Variants in SLC35F4 observed in about 807,000 individuals in gnomAD.
The protein encoded by SLC35F4 is solute carrier family 35 member F4.
Under a neutral mutation model 44.2 loss-of-function variants are expected in SLC35F4, and 24 were observed. The observed-to-expected ratio is 0.54, with a 90% CI of 0.39 to 0.76. The LOEUF (loss-of-function observed/expected upper bound fraction) is 0.76. Among genes scored for constraint, SLC35F4 ranks in the 30% least tolerant of loss-of-function variants. The pLI is 0.00. For synonymous variants in SLC35F4, 238 were observed against 223.6 expected (o/e 1.06, Z -0.57); for missense variants, 562 against 586.1 (o/e 0.96, Z 0.42).
chr14:57,890,549 C>CT (rs1888739335), intron 1 of SLC35F4, among the ~76,000 whole-genome samples: 1 of 137,806 alleles, frequency 7.3e-6, no homozygotes. Context: ...GTGAGCCCCT[C>CT]TCCACTGCAT....
At chr14:57,898,911 C>T (rs1046841696) in intron 1 of SLC35F4, among the ~76,000 whole-genome samples, 2 of 152,116 alleles carry the variant, frequency 1.3e-5, no homozygotes, top group Non-Finnish European at 2.9e-5. Flanking sequence ...TTGGAGTCTC[C>T]AGAAGAGCTG....
intron 1 of SLC35F4, among the ~76,000 whole-genome samples, chr14:57,971,638 G>A (rs1881056633): frequency 6.6e-6 from 1 of 152,086 alleles, no homozygotes; most frequent in Non-Finnish European, 1.5e-5. Context: ...TCTAGACACA[G>A]AAAAATAAAC....
At chr14:57,801,120 G>C (rs150890287) in intron 1 of SLC35F4, among the ~76,000 whole-genome samples, 13 of 152,146 alleles carry the variant, frequency 8.5e-5, no homozygotes, top group East Asian at 1.9e-4. Context: ...AGCCAGAAAG[G>C]CTGGGCCACC....
intron 1 of SLC35F4, among the ~76,000 whole-genome samples, chr14:57,623,065 C>A (rs1023803389): frequency 3.9e-5 from 6 of 152,022 alleles, no homozygotes; most frequent in Non-Finnish European, 8.8e-5. Context: ...ATTCAGAAGA[C>A]CCATCTCACT....
chr14:57,890,075 T>G (rs1888729183), intron 1 of SLC35F4, among the ~76,000 whole-genome samples: 1 of 152,328 alleles, frequency 6.6e-6, no homozygotes, highest in African/African-American at 2.4e-5. Flanking sequence ...TGGACTTCAA[T>G]GTGCAACTCG....
intron 1 of SLC35F4, among the ~76,000 whole-genome samples, chr14:57,794,710 C>T (rs2078013004): frequency 6.6e-6 from 1 of 151,984 alleles, no homozygotes; most frequent in African/African-American, 2.4e-5. Flanking sequence ...ATCATTCTGG[C>T]CACTTGACCT....
At chr14:57,613,348 T>C (rs1243770161) in intron 1 of SLC35F4, among the ~76,000 whole-genome samples, 2 of 152,150 alleles carry the variant, frequency 1.3e-5, no homozygotes, top group African/African-American at 2.4e-5. Context: ...AATTTGTTAT[T>C]GATAAAGGAG....
At chr14:57,943,509 T>C (rs559591292) in intron 1 of SLC35F4, among the ~76,000 whole-genome samples, 1 of 152,336 alleles carries the variant, frequency 6.6e-6, no homozygotes, top group East Asian at 1.9e-4. Flanking sequence ...TTCTCTCATA[T>C]AGTTAATAGT....
chr14:57,752,367 C>T (rs1020951302), intron 1 of SLC35F4, among the ~76,000 whole-genome samples: 40 of 152,184 alleles, frequency 2.6e-4, no homozygotes, highest in African/African-American at 9.2e-4. Flanking sequence ...CTTGCTCCAG[C>T]TCCAGCTGAT....
intron 1 of SLC35F4, among the ~76,000 whole-genome samples, chr14:57,880,040 GGAAGGAAGGAAGGAAGGAAGGAAGGA>G (rs1566919967): frequency 0.17 from 404 of 2,402 alleles, 20 homozygotes; most frequent in East Asian, 0.39. Flanking sequence ...GAGGGAGGAA[GGAAGGAAGGAAGGAAGGAAGGAAGGA>G]AGGAAGGAAG....
intron 1 of SLC35F4, among the ~76,000 whole-genome samples, chr14:57,811,827 T>A (rs1218997561): frequency 6.6e-6 from 1 of 151,982 alleles, no homozygotes; most frequent in Non-Finnish European, 1.5e-5. Context: ...AAAAAAAATT[T>A]AAAAATTAGC....
intron 1 of SLC35F4, among the ~76,000 whole-genome samples, chr14:57,970,492 T>G (rs372616369): frequency 2.6e-5 from 4 of 152,202 alleles, no homozygotes; most frequent in Non-Finnish European, 5.9e-5. Context: ...GGGTGATGAA[T>G]GACCCAAACA....
chr14:57,654,484 C>T (rs1227576232), intron 1 of SLC35F4, among the ~76,000 whole-genome samples: 1 of 152,118 alleles, frequency 6.6e-6, no homozygotes, highest in African/African-American at 2.4e-5. Flanking sequence ...TCTTTATCCA[C>T]TCGTTGGTTG....
At chr14:57,828,616 T>G (rs1425339304) in intron 1 of SLC35F4, among the ~76,000 whole-genome samples, 1 of 152,216 alleles carries the variant, frequency 6.6e-6, no homozygotes, top group African/African-American at 2.4e-5. Flanking sequence ...GCCTGTGCTC[T>G]CTGCCAAATT....
At chr14:57,670,558 C>T (rs1340523083) in intron 1 of SLC35F4, among the ~76,000 whole-genome samples, 1 of 151,984 alleles carries the variant, frequency 6.6e-6, no homozygotes, top group African/African-American at 2.4e-5. Flanking sequence ...TTTCAAAGAA[C>T]ATCTTTATTT....
chr14:57,657,818 C>T (rs1296932761), intron 1 of SLC35F4, among the ~76,000 whole-genome samples: 1 of 152,118 alleles, frequency 6.6e-6, no homozygotes, highest in East Asian at 1.9e-4. Context: ...AAAGAAACCT[C>T]GGATTGGGAA....
In SLC35F4 at chr14:57,823,842, G is replaced by C. The variant is rs192763634; in HGVS notation, c.103+41881C>G. Among the ~76,000 whole-genome samples, 174 of 151,936 alleles carry C rather than the reference G, an allele frequency of 1.1e-3. 2 individuals carry two copies. Among genetic ancestry groups the C allele is most frequent in the African/African-American group, 3.9e-3 (160 of 41,430 alleles). ...AAATTATATAAAAATTTTAAATATA[G>C]ACATGGAAAAAATAACAAAATAAGG... On this transcript the variant is annotated intron_variant, in intron 1 of 7. Transcript: ENST00000556826.
At chr14:57,639,117 T>G (rs1160236153) in intron 1 of SLC35F4, among the ~76,000 whole-genome samples, 1 of 152,120 alleles carries the variant, frequency 6.6e-6, no homozygotes, top group East Asian at 1.9e-4. Flanking sequence ...TGATGAACTT[T>G]GACCTAATCA....
chr14:57,589,452 G>A lies in SLC35F4; in HGVS notation c.351C>T (p.Arg117=), dbSNP rs2070014524. 1 of 1,613,742 alleles carries A rather than the reference G, an allele frequency of 6.2e-7. No individual in the cohort carries two copies. The highest frequency in any genetic ancestry group is 1.1e-5 in the South Asian group (1 of 91,028). The change falls in exon 3 of 8, where the codon CGC becomes CGT. Residue 117 remains arginine, a synonymous_variant. Transcript: ENST00000556826. The part of the protein sequence containing the change: ...NSSQENRIKA[R]CLSCTSMVLK... ...GAACCATGGACGTGCAGGACAGGCA[G>A]CGAGCCTTGATTCTGTTTTCTTGGC...
Sources: allele counts gnomAD v4.1 joint callset (sites outside exome capture counted in the v4.1 genomes callset), GRCh38; gene constraint gnomAD v4.1.1; transcripts MANE v1.5; gene names NCBI Gene and HGNC (gene_info 2026-07-23, HGNC 2026-07-21).